TRIOBP: variants seen among roughly 807,000 people sequenced by gnomAD.
TRIOBP encodes TRIO and F-actin-binding protein.
Under a neutral mutation model 238.8 loss-of-function variants are expected in TRIOBP, and 169 were observed. The observed-to-expected ratio is 0.71, with a 90% CI of 0.62 to 0.80. TRIOBP has a LOEUF of 0.80. Among genes scored for constraint, TRIOBP ranks in the 30% least tolerant of loss-of-function variants. The pLI is 0.00. For missense variants in TRIOBP, 2,838 were observed against 3,122.6 expected (o/e 0.91, Z 2.17); for synonymous variants, 1,150 against 1,274.4 (o/e 0.90, Z 2.08).
chr22:37,744,773 T>C (rs1376039854), intron 11 of TRIOBP, among the ~76,000 whole-genome samples: 2 of 152,230 alleles, frequency 1.3e-5, no homozygotes, highest in African/African-American at 2.4e-5. Flanking sequence ...TTCCTCATGG[T>C]GGAGAGACTC....
intron 6 of TRIOBP, among the ~76,000 whole-genome samples, chr22:37,717,562 T>C (rs1452268415): frequency 1.3e-5 from 2 of 152,120 alleles, no homozygotes; most frequent in Non-Finnish European, 2.9e-5. Flanking sequence ...CTAGATACAG[T>C]GTCCACACAA....
chr22:37,726,058 C>T lies in TRIOBP; in HGVS notation c.3502C>T (p.His1168Tyr). The part of the protein sequence containing the change: ...PHIPTPVCIG[H>Y]RDAPSFSSPP... ...CATCCCCACCCCTGTGTGCATTGGG[C>T]ACCGGGATGCACCCTCCTTCTCATC... Residue 1168 changes from histidine to tyrosine, a missense_variant, in exon 7 of 24, where the codon CAC (histidine) becomes TAC (tyrosine). Around this residue, in one of 5 missense-constraint regions of TRIOBP, gnomAD observed 2,096 missense variants for 2,137.4 expected, o/e 0.98. Coordinates refer to ENST00000644935, the MANE Select transcript of TRIOBP (RefSeq NM_001039141.3). 1.3e-6 allele frequency: 2 copies of T among 1,593,780 alleles called. No homozygotes were observed. The highest frequency in any genetic ancestry group is 1.1e-5 in the South Asian group (1 of 89,022).
At position 37,735,000 on chromosome 22, in the gene TRIOBP, C is replaced by CT; in HGVS notation, c.4664_4665insT (p.Glu1556ArgfsTer3). On this transcript the variant is annotated frameshift_variant, in exon 9 of 24. Coordinates refer to ENST00000644935, the MANE Select transcript of TRIOBP (RefSeq NM_001039141.3). LOFTEE classifies it high-confidence loss of function. ...TACCCGCGTGGCTCTGAGAGGCGAC[C>CT]CGAGCTTGACTGGAGGGATCTGCTT... 1.2e-6 allele frequency: 2 copies of CT among 1,613,186 alleles called. No individual in the cohort carries two copies. The highest frequency in any genetic ancestry group is 1.7e-6 in the Non-Finnish European group (2 of 1,179,772).
chr22:37,768,959 C>T (rs893020531), intron 19 of TRIOBP, 69 bp from the exon 20 acceptor site: 2 of 1,608,684 alleles, frequency 1.2e-6, no homozygotes, highest in African/African-American at 1.3e-5. Flanking sequence ...TTTAAGTCTA[C>T]CTGACTGGAC....
intron 6 of TRIOBP, among the ~76,000 whole-genome samples, chr22:37,719,733 G>A (rs375994303): frequency 1.4e-4 from 21 of 151,978 alleles, no homozygotes; most frequent in African/African-American, 4.8e-4. Context: ...ACTCCACCTC[G>A]CTCTCCTTTG....
intron 22 of TRIOBP, 99 bp from the exon 23 acceptor site, chr22:37,772,502 A>G: frequency 6.4e-7 from 1 of 1,560,900 alleles, no homozygotes; most frequent in African/African-American, 1.4e-5. Context: ...GAAGCGAGGT[A>G]TCTGCGGGGA....
At chr22:37,745,974 C>G (rs1043142265) in intron 11 of TRIOBP, among the ~76,000 whole-genome samples, 3 of 151,256 alleles carry the variant, frequency 2.0e-5, no homozygotes, top group East Asian at 1.9e-4. Context: ...CCTCCCAGCG[C>G]GCCCGCGGCC....
In TRIOBP at chr22:37,776,424, A is replaced by C. The variant is rs1019117607; in HGVS notation, c.*2644A>C. Reference sequence around the variant, plus strand: ...ATCTACCCTATGGCCTAGCATTTCCACTCTTGCTTACACATCCAGGAGAAA... The same window carrying C: ...ATCTACCCTATGGCCTAGCATTTCCCCTCTTGCTTACACATCCAGGAGAAA... On this transcript the variant is annotated 3_prime_UTR_variant, in exon 24 of 24. Transcript: ENST00000644935. The C allele has an allele frequency of 8.5e-5, 13 of 152,078 alleles. No homozygotes were observed. The highest frequency in any genetic ancestry group is 1.6e-4 in the Non-Finnish European group (11 of 68,018). The allele number at this position is 152,078 out of a possible 1,614,324, so 9.4% of individuals were successfully genotyped here. A position where few individuals can be genotyped will look rare whatever the true frequency, so the allele number is the denominator to read the frequency against.
At chr22:37,700,553 A>C (rs1464969869) in intron 2 of TRIOBP, among the ~76,000 whole-genome samples, 1 of 151,562 alleles carries the variant, frequency 6.6e-6, no homozygotes, top group Non-Finnish European at 1.5e-5. Flanking sequence ...AGTAGCAGGG[A>C]CCACAGGCCT....
chr22:37,720,605 T>C (rs1422775465), intron 6 of TRIOBP, among the ~76,000 whole-genome samples: 1 of 152,148 alleles, frequency 6.6e-6, no homozygotes, highest in Admixed American at 6.5e-5. Flanking sequence ...ACTGCAACCA[T>C]CCAGGAGAGA....
chr22:37,723,398 C>T lies in TRIOBP; in HGVS notation c.842C>T (p.Pro281Leu), dbSNP rs771665992. 14 of 1,613,918 alleles carry T rather than the reference C, an allele frequency of 8.7e-6. No homozygotes were observed. In the Admixed American group the frequency reaches 2.2e-4, roughly 25 times the overall value. ...STREIPRASS[P>L]HRITQRDTSR... ...CGTGAAATCCCCAGAGCCTCCTCTC[C>T]CCATCGAATCACCCAAAGGGACACC... Residue 281 changes from proline to leucine, a missense_variant, in exon 7 of 24, where the codon CCC becomes CTC. Physicochemically the swap from Pro to Leu is moderately conservative, Grantham distance 98 (BLOSUM62 -3). Transcript: ENST00000644935.
In TRIOBP at chr22:37,725,391, C is replaced by G. The variant is rs200608722; in HGVS notation, c.2835C>G (p.Asp945Glu). Residue 945 changes from aspartate to glutamate, a missense_variant, in exon 7 of 24, where the codon GAC (aspartate) becomes GAG (glutamate). By Grantham distance (45) the Asp-to-Glu change is conservative (BLOSUM62 2). Around this residue, in one of 5 missense-constraint regions of TRIOBP, gnomAD observed 2,096 missense variants for 2,137.4 expected, o/e 0.98. Coordinates refer to ENST00000644935, the MANE Select transcript of TRIOBP (RefSeq NM_001039141.3). ...ASIALRPTQGDRPQTSSPSRP... is the reference protein window; with the variant it reads ...ASIALRPTQGERPQTSSPSRP... ...TCGCCCTCCGGCCAACCCAAGGTGA[C>G]AGGCCTCAGACATCCTCTCCCAGCA... 2.5e-4 allele frequency: 404 copies of G among 1,611,540 alleles called. No homozygotes were observed. Among genetic ancestry groups the G allele is most frequent in the Non-Finnish European group, 1.4e-4 (162 of 1,178,418 alleles).
chr22:37,724,988 A>C lies in TRIOBP; in HGVS notation c.2432A>C (p.Gln811Pro). The change falls in exon 7 of 24, where the codon CAA becomes CCA. Residue 811 changes from glutamine to proline, a missense_variant. Transcript: ENST00000644935. ...GCCTCCTCTCCCATCAGAGCCACCC[A>C]ACAGGACAACCCCAGAACTTGTATT... The part of the protein sequence containing the change: ...LRASSPIRAT[Q>P]QDNPRTCIQQ... 2.5e-6 allele frequency: 4 copies of C among 1,613,930 alleles called. No homozygotes were observed. Among genetic ancestry groups the C allele is most frequent in the Non-Finnish European group, 3.4e-6 (4 of 1,179,866 alleles).
chr22:37,700,967 C>G (rs1322488438), intron 2 of TRIOBP, among the ~76,000 whole-genome samples: 1 of 152,190 alleles, frequency 6.6e-6, no homozygotes, highest in African/African-American at 2.4e-5. Flanking sequence ...GCTGGGATTA[C>G]AGGCATCAGC....
chr22:37,770,047 T>C (rs928447206), intron 21 of TRIOBP, among the ~76,000 whole-genome samples: 2 of 134,570 alleles, frequency 1.5e-5, no homozygotes, highest in Non-Finnish European at 3.2e-5. Context: ...ATTTCTTTAC[T>C]TTTTTTTTTT....
At chr22:37,769,409 G>A (rs1218112195) in intron 21 of TRIOBP, 34 bp downstream of exon 21, 1 of 1,544,714 alleles carries the variant, frequency 6.5e-7, no homozygotes, top group South Asian at 1.2e-5. Context: ...GCAGCCCAGT[G>A]GTTCTCGGGG....
intron 6 of TRIOBP, among the ~76,000 whole-genome samples, chr22:37,717,777 A>G (rs1601626363): frequency 1.3e-5 from 2 of 152,234 alleles, no homozygotes; most frequent in South Asian, 4.1e-4. Flanking sequence ...AGCTGGCTTC[A>G]CCCAGTGGAT....
intron 11 of TRIOBP, among the ~76,000 whole-genome samples, chr22:37,748,678 A>C (rs1569053288): frequency 1.3e-5 from 2 of 152,098 alleles, no homozygotes; most frequent in Non-Finnish European, 2.9e-5. Context: ...AGTTGCATCT[A>C]ATCTAGCCTG....
intron 9 of TRIOBP, among the ~76,000 whole-genome samples, chr22:37,737,975 A>T (rs1435172295): frequency 6.6e-6 from 1 of 152,142 alleles, no homozygotes; most frequent in African/African-American, 2.4e-5. Flanking sequence ...CATAAGCTCC[A>T]CACAGGCAGG....
Sources: gnomAD v4.1 joint callset for allele counts (sites outside exome capture counted in the v4.1 genomes callset) on GRCh38, gnomAD v4.1.1 for gene constraint, gnomAD v4.1.1 regional missense constraint, MANE v1.5 for transcripts, NCBI Gene and HGNC (gene_info 2026-07-23, HGNC 2026-07-21) for gene names.